ADAM18: variants seen among roughly 807,000 people sequenced by gnomAD.
The protein encoded by ADAM18 is ADAM metallopeptidase domain 18, also known as disintegrin and metalloproteinase domain-containing protein 18.
In ADAM18, 117 loss-of-function variants were observed where a neutral mutation model predicts 94.4. The ratio of observed to expected loss-of-function variants is 1.24; its 90% CI spans 1.07 to 1.45. The LOEUF (loss-of-function observed/expected upper bound fraction) is 1.45. Among genes scored for constraint, ADAM18 ranks in the 40% most tolerant of loss-of-function variants. The pLI is 0.00. For missense variants in ADAM18, 936 were observed against 880.0 expected, an observed-to-expected ratio of 1.06 and a Z score of -0.81; for synonymous variants, 327 against 291.6, an observed-to-expected ratio of 1.12 and a Z score of -1.24.
At chr8:39,651,858 T>C (rs1820547901) in intron 12 of ADAM18, among the ~76,000 whole-genome samples, 1 of 151,978 alleles carries the variant, frequency 6.6e-6, no homozygotes, top group African/African-American at 2.4e-5. Context: ...AAATATACTA[T>C]AAAGCTATAG....
At chr8:39,602,487 C>G (rs1818935415) in intron 2 of ADAM18, among the ~76,000 whole-genome samples, 1 of 152,140 alleles carries the variant, frequency 6.6e-6, no homozygotes, top group South Asian at 2.1e-4. Context: ...TGCCTTGAAT[C>G]CAGATGAGAA....
intron 12 of ADAM18, among the ~76,000 whole-genome samples, chr8:39,654,008 A>AC (rs1264065427): frequency 1.3e-5 from 2 of 150,976 alleles, no homozygotes; most frequent in Non-Finnish European, 2.9e-5. Context: ...CAACCATTCT[A>AC]CTCTCTGCCT....
chr8:39,728,393 A>G (rs1157215937), intron 19 of ADAM18, among the ~76,000 whole-genome samples: 1 of 152,198 alleles, frequency 6.6e-6, no homozygotes, highest in Admixed American at 6.5e-5. Flanking sequence ...ATCATGAGTA[A>G]CTGTATTATT....
At chr8:39,706,757 G>T (rs374822175) in intron 17 of ADAM18, 33 bp from the exon 18 acceptor site, 4 of 1,235,298 alleles carry the variant, frequency 3.2e-6, no homozygotes, top group East Asian at 2.3e-5. Context: ...AGACTAAGAC[G>T]ACTCAAACTG....
At chr8:39,676,717 T>A (rs1821312804) in intron 14 of ADAM18, among the ~76,000 whole-genome samples, 1 of 152,192 alleles carries the variant, frequency 6.6e-6, no homozygotes, top group African/African-American at 2.4e-5. Flanking sequence ...AAATCACCCA[T>A]CTTCTGCATC....
chr8:39,674,373 T>C (rs1316385208), intron 14 of ADAM18, among the ~76,000 whole-genome samples: 2 of 152,226 alleles, frequency 1.3e-5, no homozygotes, highest in Non-Finnish European at 2.9e-5. Context: ...CCTTTACCAT[T>C]ATGTAATGGC....
chr8:39,638,515 G>A lies in ADAM18; in HGVS notation c.878G>A (p.Cys293Tyr), dbSNP rs1399338990. ...YVGATFPGTVCNKSYDAGIAM... is the reference protein window; with the variant it reads ...YVGATFPGTVYNKSYDAGIAM... ...GGAGCAACATTTCCTGGCACTGTAT[G>A]CAATAAAAGCTATGATGCAGGTATT... Residue 293 changes from cysteine (C) to tyrosine (Y), a missense_variant, in exon 10 of 20, where the codon TGC (cysteine) becomes TAC (tyrosine). Physicochemically the swap from Cys to Tyr is radical, Grantham distance 194. Coordinates refer to ENST00000265707, the MANE Select transcript of ADAM18 (RefSeq NM_014237.3). 3.2e-6 allele frequency: 5 copies of A among 1,571,756 alleles called. No individual in the cohort carries two copies. The highest frequency in any genetic ancestry group is 2.4e-5 in the South Asian group (2 of 82,204).
At chr8:39,659,455 G>C (rs1034523506) in intron 12 of ADAM18, among the ~76,000 whole-genome samples, 1 of 151,882 alleles carries the variant, frequency 6.6e-6, no homozygotes, top group Admixed American at 6.6e-5. Flanking sequence ...ACATTGAACA[G>C]TATATAAGCA....
intron 3 of ADAM18, among the ~76,000 whole-genome samples, chr8:39,608,802 C>T (rs780188483): frequency 1.3e-5 from 2 of 152,104 alleles, no homozygotes; most frequent in Non-Finnish European, 2.9e-5. Context: ...TCATACACAG[C>T]TATACATACA....
At chr8:39,631,964 C>A (rs1051184406) in intron 7 of ADAM18, among the ~76,000 whole-genome samples, 3 of 151,658 alleles carry the variant, frequency 2.0e-5, no homozygotes, top group African/African-American at 7.3e-5. Flanking sequence ...GTATTTTTGC[C>A]CTGGTTTCTG....
intron 12 of ADAM18, among the ~76,000 whole-genome samples, chr8:39,650,547 A>G (rs1056576178): frequency 7.9e-5 from 12 of 152,250 alleles, no homozygotes; most frequent in African/African-American, 2.9e-4. Flanking sequence ...TACAATATCT[A>G]CAAAAAATAA....
intron 10 of ADAM18, among the ~76,000 whole-genome samples, chr8:39,644,670 C>T (rs748531741): frequency 5.3e-5 from 8 of 152,168 alleles, no homozygotes; most frequent in South Asian, 2.1e-4. Context: ...CACAACTTTT[C>T]GGTAGGTCCA....
At chr8:39,686,726 A>C (rs1186579930) in intron 16 of ADAM18, among the ~76,000 whole-genome samples, 1 of 152,250 alleles carries the variant, frequency 6.6e-6, no homozygotes, top group East Asian at 1.9e-4. Flanking sequence ...TTAATTAAGA[A>C]AAATTATTTT....
intron 18 of ADAM18, among the ~76,000 whole-genome samples, chr8:39,707,865 T>G (rs182904815): frequency 6.6e-6 from 1 of 152,200 alleles, no homozygotes; most frequent in African/African-American, 2.4e-5. Flanking sequence ...AAGGAAAGAA[T>G]TTTTGGCTTC....
At chr8:39,601,558 TG>T (rs1381640101) in intron 2 of ADAM18, among the ~76,000 whole-genome samples, 13 of 152,250 alleles carry the variant, frequency 8.5e-5, no homozygotes, top group Non-Finnish European at 5.9e-5. Flanking sequence ...GATTAGCATT[TG>T]GATGATATAT....
chr8:39,627,459 C>T (rs1284016984), intron 6 of ADAM18, among the ~76,000 whole-genome samples: 1 of 152,146 alleles, frequency 6.6e-6, no homozygotes, highest in Non-Finnish European at 1.5e-5. Flanking sequence ...GGGACACAGT[C>T]AAACCATATC....
chr8:39,648,759 G>A (rs1820451651), intron 12 of ADAM18, among the ~76,000 whole-genome samples: 1 of 152,116 alleles, frequency 6.6e-6, no homozygotes, highest in East Asian at 1.9e-4. Flanking sequence ...AATCATGCCA[G>A]CAGATTGATT....
At chr8:39,669,739 A>C (rs1821101651) in intron 14 of ADAM18, among the ~76,000 whole-genome samples, 1 of 151,914 alleles carries the variant, frequency 6.6e-6, no homozygotes, top group Non-Finnish European at 1.5e-5. Context: ...GTTGGTTCCA[A>C]GTCTTTGCTA....
intron 2 of ADAM18, among the ~76,000 whole-genome samples, chr8:39,604,001 C>T (rs1434200374): frequency 2.6e-5 from 4 of 152,150 alleles, no homozygotes; most frequent in African/African-American, 9.7e-5. Context: ...ACTTAAAAAT[C>T]ATCAGTTACG....
Sources: gnomAD v4.1 joint callset for allele counts (sites outside exome capture counted in the v4.1 genomes callset) on GRCh38, gnomAD v4.1.1 for gene constraint, MANE v1.5 for transcripts, NCBI Gene and HGNC (gene_info 2026-07-23, HGNC 2026-07-21) for gene names.